KANK1: variants seen among roughly 807,000 people sequenced by gnomAD.
The protein encoded by KANK1 is KN motif and ankyrin repeat domains 1, also known as KN motif and ankyrin repeat domain-containing protein 1.
A neutral mutation model predicts 106.2 loss-of-function variants in KANK1; 109 were observed. The observed-to-expected ratio is 1.03, with a 90% CI of 0.88 to 1.20. The LOEUF is 1.20. KANK1 is among the 50% of genes most tolerant of loss of function. The pLI, the probability that KANK1 is intolerant of heterozygous loss-of-function variation, is 0.00. For missense variants in KANK1, 2,399 were observed against 1,710.7 expected (o/e 1.40, Z -7.10); for synonymous variants, 873 against 652.2 (o/e 1.34, Z -5.16).
At chr9:535,975 C>T (rs2060278798) in intron 1 of KANK1, among the ~76,000 whole-genome samples, 1 of 152,182 alleles carries the variant, frequency 6.6e-6, no homozygotes, top group Non-Finnish European at 1.5e-5. Flanking sequence ...ATAACAGCAC[C>T]CCACTTCCAG....
chr9:631,695 G>C (rs547339351), intron 1 of KANK1, among the ~76,000 whole-genome samples: 4 of 152,268 alleles, frequency 2.6e-5, no homozygotes, highest in Non-Finnish European at 5.9e-5. Context: ...CAACTGTTTA[G>C]CTTGGCATGC....
At chr9:515,199 G>T (rs1262667373) in intron 1 of KANK1, among the ~76,000 whole-genome samples, 2 of 151,472 alleles carry the variant, frequency 1.3e-5, no homozygotes, top group African/African-American at 2.4e-5. Flanking sequence ...CAAAAGATTA[G>T]CCAGGCGTGG....
intron 1 of KANK1, among the ~76,000 whole-genome samples, chr9:594,091 G>T (rs1387741914): frequency 6.6e-6 from 1 of 151,852 alleles, no homozygotes. Context: ...GTAAGTGATG[G>T]GGGCTGTGGA....
At chr9:590,129 C>T (rs1326383657) in intron 1 of KANK1, among the ~76,000 whole-genome samples, 1 of 152,168 alleles carries the variant, frequency 6.6e-6, no homozygotes, top group Non-Finnish European at 1.5e-5. Context: ...TTGGGCTGTG[C>T]TCCTGTCTAG....
intron 2 of KANK1, among the ~76,000 whole-genome samples, chr9:685,188 C>A (rs575118252): frequency 6.6e-6 from 1 of 152,124 alleles, no homozygotes; most frequent in African/African-American, 2.4e-5. Flanking sequence ...ATTATGAATC[C>A]GGAAAACACA....
intron 3 of KANK1, among the ~76,000 whole-genome samples, chr9:483,547 G>T (rs1046719689): frequency 1.5e-4 from 23 of 152,128 alleles, no homozygotes; most frequent in African/African-American, 5.3e-4. Context: ...TATAAAATGG[G>T]AACTACAGAA....
chr9:502,205 G>C (rs962359639), upstream of KANK1, among the ~76,000 whole-genome samples: 2 of 148,376 alleles, frequency 1.3e-5, no homozygotes, highest in African/African-American at 5.0e-5. Context: ...GGAATGGGGA[G>C]TGACTAATGG....
In KANK1 at chr9:598,615, G is replaced by GTTTTTTTTTTT. The variant is rs1306483082; in HGVS notation, c.-83-78271_-83-78270insTTTTTTTTTTT. Among the ~76,000 whole-genome samples the GTTTTTTTTTTT allele has an allele frequency of 8.2e-5, 6 of 73,330 alleles. No individual in the cohort carries two copies. The East Asian group carries it at 1.7e-3, about 21-fold the overall frequency. The allele number at this position is 73,330 out of a possible 152,430, so 48.1% of individuals were successfully genotyped here. ...TAGGTTTTTTTGTTTTGTTTTGTTG[G>GTTTTTTTTTTT]TTTTCTTTTTTTTTTTTTTTTTTTT... On this transcript the variant is annotated intron_variant, in intron 1 of 11. Coordinates refer to ENST00000382297, the MANE Select transcript of KANK1 (RefSeq NM_015158.5).
At chr9:715,171 T>C (rs981552625) in intron 3 of KANK1, among the ~76,000 whole-genome samples, 1 of 152,210 alleles carries the variant, frequency 6.6e-6, no homozygotes, top group African/African-American at 2.4e-5. Context: ...TGACAGCTCA[T>C]GTGTGGGGTT....
chr9:494,520 A>ACTT lies in KANK1; in HGVS notation c.-362+21250_-362+21252dup, dbSNP rs898839237. Among the ~76,000 whole-genome samples the ACTT allele has an allele frequency of 1.8e-3, 277 of 152,298 alleles. 2 individuals are homozygous for ACTT. The highest frequency in any genetic ancestry group is 6.5e-3 in the African/African-American group (268 of 41,538). On this transcript the variant is annotated intron_variant, in intron 3 of 15. Coordinates refer to the KANK1 transcript ENST00000382303. ...AATATAGCAGAAGCAATGGTATATCACTTCTGAGATTAGATTATAAAAGGC... is the reference window on the plus strand; with the variant it reads ...AATATAGCAGAAGCAATGGTATATCACTTCTTCTGAGATTAGATTATAAAAGGC...
At chr9:520,572 A>T (rs1215420207) in intron 1 of KANK1, among the ~76,000 whole-genome samples, 1 of 151,760 alleles carries the variant, frequency 6.6e-6, no homozygotes, top group Non-Finnish European at 1.5e-5. Context: ...AATTGAAAAC[A>T]ATATAATCTA....
intron 1 of KANK1, among the ~76,000 whole-genome samples, chr9:592,619 T>A (rs1041376954): frequency 1.3e-5 from 2 of 151,918 alleles, no homozygotes; most frequent in Non-Finnish European, 2.9e-5. Flanking sequence ...AACCACAAGA[T>A]TGCACAGGCA....
intron 3 of KANK1, among the ~76,000 whole-genome samples, chr9:492,428 G>C (rs1236804237): frequency 5.9e-5 from 9 of 152,026 alleles, no homozygotes; most frequent in Admixed American, 6.6e-5. Flanking sequence ...GTGTGTCCTT[G>C]GGCAGGTTAC....
Position 740,716 on chromosome 9 carries a change from C to G in KANK1, c.3554-76C>G, listed in dbSNP as rs1473150563. ...TCACTGGGCTCCTGTAAACACCATC[C>G]CTTCAGTGGCTTCGTAAGCGGCTGC... On this transcript the variant is annotated intron_variant, in intron 8 of 11. Coordinates refer to ENST00000382297, the MANE Select transcript of KANK1 (RefSeq NM_015158.5). The G allele has an allele frequency of 3.4e-6, 5 of 1,483,668 alleles. No homozygotes were observed. The East Asian group carries it at 6.8e-5, about 20-fold the overall frequency. The allele number at this position is 1,483,668 out of a possible 1,614,324, so 91.9% of individuals were successfully genotyped here. A position where few individuals can be genotyped will look rare whatever the true frequency, so the allele number is the denominator to read the frequency against.
chr9:499,064 G>T (rs1367788779), intron 3 of KANK1, among the ~76,000 whole-genome samples: 1 of 151,902 alleles, frequency 6.6e-6, no homozygotes, highest in African/African-American at 2.4e-5. Context: ...TGTAGTCCCA[G>T]CTACTCGGGA....
At chr9:504,660 G>C (rs1360775926), upstream of KANK1, 3 of 151,256 alleles carry the variant, frequency 2.0e-5, no homozygotes, top group Non-Finnish European at 3.0e-5. Context: ...TTGCCAGCCG[G>C]GGCCGACTCC....
At chr9:672,911 G>A (rs573713693) in intron 1 of KANK1, among the ~76,000 whole-genome samples, 1 of 152,260 alleles carries the variant, frequency 6.6e-6, no homozygotes, top group African/African-American at 2.4e-5. Context: ...TCTTAGCTAG[G>A]AGAACTAAGC....
intron 1 of KANK1, among the ~76,000 whole-genome samples, chr9:543,033 C>G (rs1483224819): frequency 6.6e-6 from 1 of 152,168 alleles, no homozygotes; most frequent in South Asian, 2.1e-4. Flanking sequence ...CTCAAATGTT[C>G]TCACCACAAA....
intron 1 of KANK1, among the ~76,000 whole-genome samples, chr9:521,400 C>G (rs1326509613): frequency 6.6e-6 from 1 of 151,424 alleles, no homozygotes; most frequent in African/African-American, 2.5e-5. Context: ...AGTAGGTGCA[C>G]CAAGCCTCAG....
Sources: allele counts gnomAD v4.1 joint callset (sites outside exome capture counted in the v4.1 genomes callset), GRCh38; gene constraint gnomAD v4.1.1; transcripts MANE v1.5; gene names NCBI Gene and HGNC (gene_info 2026-07-23, HGNC 2026-07-21).